OR6N1: variants seen among roughly 807,000 people sequenced by gnomAD.
The protein encoded by OR6N1 is olfactory receptor 6N1.
For synonymous variants in OR6N1, 170 were observed against 150.7 expected (o/e 1.13, Z -0.94); for missense variants, 394 against 371.7 (o/e 1.06, Z -0.49).
the OR6N1 span, among the ~76,000 whole-genome samples, chr1:158,787,123 C>A: frequency 4.0e-5 from 6 of 151,864 alleles, no homozygotes; most frequent in Non-Finnish European, 7.4e-5. Flanking sequence ...TGGCTTGGTG[C>A]GATTCTCCAT....
At chr1:158,808,214 T>G in the OR6N1 span, among the ~76,000 whole-genome samples, 2 of 134,470 alleles carry the variant, frequency 1.5e-5, no homozygotes, top group Non-Finnish European at 3.1e-5. Context: ...CTCGACTCAC[T>G]GCAAGCTCCG....
chr1:158,838,038 TATA>T, the OR6N1 span, among the ~76,000 whole-genome samples: 1 of 152,006 alleles, frequency 6.6e-6, no homozygotes, highest in Admixed American at 6.6e-5. Flanking sequence ...ATTGCATTTA[TATA>T]ATATGTACCA....
chr1:158,810,768 T>G, the OR6N1 span, among the ~76,000 whole-genome samples: 1 of 152,226 alleles, frequency 6.6e-6, no homozygotes, highest in South Asian at 2.1e-4. Context: ...CCCAATCAGC[T>G]TCATCTCTAC....
rs201712486 is a variant in OR6N1 at position 158,766,571 on chromosome 1, T to C, written c.112A>G (p.Thr38Ala). Residue 38 changes from threonine (T) to alanine (A), a missense_variant, in exon 2 of 2, where the codon ACT becomes GCT. Transcript: ENST00000641846. ...FLLLLLIYLM[T>A]VLGNLLIFLV... ...AATATCAGCAGGTTTCCCAACACAG[T>C]CATGAGGTAAATGAGAAGCAACAAG... 6.2e-7 allele frequency: 1 copy of C among 1,613,336 alleles called. No individual in the cohort carries two copies. Among genetic ancestry groups the C allele is most frequent in the Non-Finnish European group, 8.5e-7 (1 of 1,179,770 alleles).
chr1:158,780,393 A>C, the OR6N1 span, among the ~76,000 whole-genome samples: 3 of 152,226 alleles, frequency 2.0e-5, no homozygotes, highest in Non-Finnish European at 4.4e-5. Flanking sequence ...TTAATCTTCC[A>C]CATAGAAAAT....
At chr1:158,793,151 C>A in the OR6N1 span, among the ~76,000 whole-genome samples, 1 of 151,608 alleles carries the variant, frequency 6.6e-6, no homozygotes. Context: ...ATCAGTCTCT[C>A]TAGAAAATTT....
the OR6N1 span, among the ~76,000 whole-genome samples, chr1:158,787,635 TCACACACA>T: frequency 3.0e-5 from 4 of 134,318 alleles, no homozygotes; most frequent in East Asian, 2.2e-4. Flanking sequence ...TCTCTCTCTC[TCACACACA>T]CACACACACA....
At chr1:158,829,824 G>C in the OR6N1 span, among the ~76,000 whole-genome samples, 1 of 152,202 alleles carries the variant, frequency 6.6e-6, no homozygotes, top group South Asian at 2.1e-4. Context: ...GTTCCACATG[G>C]CTGGGGAAGC....
chr1:158,822,409 A>T, the OR6N1 span, among the ~76,000 whole-genome samples: 1 of 152,026 alleles, frequency 6.6e-6, no homozygotes, highest in East Asian at 1.9e-4. Context: ...TATTGTAGGG[A>T]TCTTTCACTT....
At chr1:158,776,612 A>C (rs1301716198), upstream of OR6N1, 3 of 823,894 alleles carry the variant, frequency 3.6e-6, no homozygotes, top group Non-Finnish European at 5.9e-6. Context: ...AGCATGTGTG[A>C]TGATGGGAAG....
At position 158,766,218 on chromosome 1, in the gene OR6N1, C is replaced by T. The variant is rs772479004; in HGVS notation, c.465G>A (p.Gly155=). The change falls in exon 2 of 2, where the codon GGG becomes GGA. Residue 155 remains glycine, a synonymous_variant. Transcript: ENST00000641846. ...AAATCAAGGAAATTTCAACTACTGG[C>T]CCAGCCAAGCCTCCCAACCAACAGC... The part of the protein sequence containing the change: ...AIGCWLGGLA[G]PVVEISLISR... 10 of 1,614,044 alleles carry T rather than the reference C, an allele frequency of 6.2e-6. No homozygotes were observed. The African/African-American group carries it at 8.0e-5, about 13-fold the overall frequency.
the OR6N1 span, among the ~76,000 whole-genome samples, chr1:158,833,286 T>A: frequency 6.6e-6 from 1 of 152,234 alleles, no homozygotes; most frequent in Non-Finnish European, 1.5e-5. Flanking sequence ...CTGCCAAGCT[T>A]CTGAAAGCTT....
the OR6N1 span, among the ~76,000 whole-genome samples, chr1:158,820,359 T>C: frequency 6.6e-6 from 1 of 152,256 alleles, no homozygotes; most frequent in Non-Finnish European, 1.5e-5. Context: ...CCAACAACTT[T>C]GAGTTTTAAT....
the OR6N1 span, among the ~76,000 whole-genome samples, chr1:158,788,846 G>A: frequency 6.6e-6 from 1 of 151,866 alleles, no homozygotes; most frequent in East Asian, 1.9e-4. Context: ...TATCCAACTT[G>A]ATGTTTATGT....
chr1:158,784,509 C>T, the OR6N1 span, among the ~76,000 whole-genome samples: 3 of 152,126 alleles, frequency 2.0e-5, no homozygotes, highest in Non-Finnish European at 2.9e-5. Context: ...CAATAGAACA[C>T]CAGAACTTCT....
chr1:158,765,633 A>G lies in OR6N1; in HGVS notation c.*111T>C. The G allele has an allele frequency of 1.1e-6, 1 of 872,198 alleles. No individual in the cohort carries two copies. Among genetic ancestry groups the G allele is most frequent in the Non-Finnish European group, 1.8e-6 (1 of 554,476 alleles). 54.0% of individuals were successfully genotyped at this position (872,198 alleles called of 1,614,324 possible). On this transcript the variant is annotated 3_prime_UTR_variant, in exon 2 of 2. Coordinates refer to ENST00000641846, the MANE Select transcript of OR6N1 (RefSeq NM_001005185.2). ...GTCAGTCAGCACTTGCTGCAGCTCC[A>G]CCACCCCACATAGAAAAGCACTGAA... is the stretch of plus-strand genomic sequence containing the variant.
At position 158,765,614 on chromosome 1, in the gene OR6N1, C is replaced by G. The variant is rs1200957095; in HGVS notation, c.*130G>C. 5.3e-6 allele frequency: 4 copies of G among 760,276 alleles called. No homozygotes were observed. Among genetic ancestry groups the G allele is most frequent in the Non-Finnish European group, 6.5e-6 (3 of 461,518 alleles). The allele number at this position is 760,276 out of a possible 1,614,324, so 47.1% of individuals were successfully genotyped here. ...GGTCGCTATAACACTGGAAGTCAGTCAGCACTTGCTGCAGCTCCACCACCC... is the reference window on the plus strand; with the variant it reads ...GGTCGCTATAACACTGGAAGTCAGTGAGCACTTGCTGCAGCTCCACCACCC... On this transcript the variant is annotated 3_prime_UTR_variant, in exon 2 of 2. Transcript: ENST00000641846.
the OR6N1 span, among the ~76,000 whole-genome samples, chr1:158,825,409 A>G: frequency 6.6e-6 from 1 of 151,984 alleles, no homozygotes; most frequent in Non-Finnish European, 1.5e-5. Context: ...ACTGCACTCC[A>G]GCCTGGGCAA....
upstream of OR6N1, among the ~76,000 whole-genome samples, chr1:158,772,606 G>C (rs1022446898): frequency 1.3e-5 from 2 of 152,080 alleles, no homozygotes; most frequent in South Asian, 4.2e-4. Context: ...GAGACACTGG[G>C]GACATAAATA....
Sources: allele counts gnomAD v4.1 joint callset (sites outside exome capture counted in the v4.1 genomes callset), GRCh38; gene constraint gnomAD v4.1.1; transcripts MANE v1.5; gene names NCBI Gene and HGNC (gene_info 2026-07-23, HGNC 2026-07-21).